SLC10A6: variants seen among roughly 807,000 people sequenced by gnomAD.
SLC10A6 encodes sodium-dependent organic anion transporter.
A neutral mutation model predicts 30.0 loss-of-function variants in SLC10A6; 27 were observed. The ratio of observed to expected loss-of-function variants is 0.90; its 90% CI spans 0.66 to 1.24. The LOEUF is 1.24. SLC10A6 is among the 50% of genes most tolerant of loss of function. SLC10A6 has a pLI of 0.00. For missense variants in SLC10A6, 439 were observed against 457.0 expected, an observed-to-expected ratio of 0.96 and a Z score of 0.36; for synonymous variants, 166 against 173.8, an observed-to-expected ratio of 0.95 and a Z score of 0.36.
At chr4:86,830,756 A>C (rs1746064367) in intron 3 of SLC10A6, among the ~76,000 whole-genome samples, 1 of 152,204 alleles carries the variant, frequency 6.6e-6, no homozygotes, top group African/African-American at 2.4e-5. Flanking sequence ...CCAGAAAACA[A>C]AATTAACTGA....
intron 3 of SLC10A6, among the ~76,000 whole-genome samples, chr4:86,831,107 G>A (rs1746073162): frequency 6.6e-6 from 1 of 152,062 alleles, no homozygotes; most frequent in Non-Finnish European, 1.5e-5. Flanking sequence ...CAAAGTTCTG[G>A]GATTACAGAT....
At chr4:86,837,283 G>A (rs867608572) in intron 1 of SLC10A6, among the ~76,000 whole-genome samples, 173 of 91,920 alleles carry the variant, frequency 1.9e-3, no homozygotes, top group Middle Eastern at 5.4e-3. Context: ...AAGAAAGAAA[G>A]AAAAAGAAAG....
rs1327556809 is a variant in SLC10A6, at chr4:86,843,012, C to G, written c.377+5727G>C. On this transcript the variant is annotated intron_variant, in intron 1 of 5. Coordinates refer to ENST00000273905, the MANE Select transcript of SLC10A6 (RefSeq NM_197965.3). ...TCAGTCTCCTGAGTAGCTGGCATTA[C>G]AGGCATGCATCACCACACCTGGCTA... Among the ~76,000 whole-genome samples the G allele has an allele frequency of 3.3e-5, 5 of 151,642 alleles. No individual in the cohort carries two copies. In the Admixed American group the frequency reaches 3.3e-4, roughly 10 times the overall value.
At position 86,827,867 on chromosome 4, in the gene SLC10A6, T is replaced by C. The variant is rs1746021772; in HGVS notation, c.761+126A>G. The C allele has an allele frequency of 2.6e-6, 2 of 757,882 alleles. 1 individual carries two copies. The highest frequency in any genetic ancestry group is 3.6e-5 in the African/African-American group (2 of 56,084). The allele number at this position is 757,882 out of a possible 1,614,324, so 46.9% of individuals were successfully genotyped here. A position where few individuals can be genotyped will look rare whatever the true frequency, so the allele number is the denominator to read the frequency against. On this transcript the variant is annotated intron_variant, in intron 4 of 5. Transcript: ENST00000273905. ...TGAATGACCCTCTTTTATGCTTAGT[T>C]ATCCTGTCGATTCCACTATGTAAGT... is the stretch of plus-strand genomic sequence containing the variant.
At chr4:86,847,136 C>A (rs1180835058) in intron 1 of SLC10A6, among the ~76,000 whole-genome samples, 1 of 152,116 alleles carries the variant, frequency 6.6e-6, no homozygotes, top group African/African-American at 2.4e-5. Context: ...GATGAGAATT[C>A]AAATCTGAGT....
At chr4:86,837,193 G>C (rs1264378093) in intron 1 of SLC10A6, among the ~76,000 whole-genome samples, 2 of 137,518 alleles carry the variant, frequency 1.5e-5, no homozygotes, top group Non-Finnish European at 3.0e-5. Flanking sequence ...AAGAGCCCAT[G>C]GTGCATGTAG....
chr4:86,826,795 C>T (rs1460176324), intron 4 of SLC10A6, among the ~76,000 whole-genome samples: 2 of 152,044 alleles, frequency 1.3e-5, no homozygotes, highest in African/African-American at 4.8e-5. Context: ...AGCAGTTTCA[C>T]GTCTCCAGTT....
intron 1 of SLC10A6, among the ~76,000 whole-genome samples, chr4:86,837,238 A>AGAAAGAAG (rs1439623545): frequency 9.4e-6 from 1 of 106,218 alleles, no homozygotes; most frequent in Non-Finnish European, 1.8e-5. Context: ...AAAGAAAGAA[A>AGAAAGAAG]GAAAGAAAGA....
chr4:86,849,272 A>AT lies in SLC10A6; in HGVS notation c.-158dup, dbSNP rs1746444987. Reference sequence around the variant, plus strand: ...AAGGTGATTCATCCTAATCTGATCAATTTTTTCACAAGTGGCATTATAAAA... The same window carrying AT: ...AAGGTGATTCATCCTAATCTGATCAATTTTTTTCACAAGTGGCATTATAAAA... On this transcript the variant is annotated 5_prime_UTR_variant, in exon 1 of 6. An upstream open reading frame in the 5' UTR gains an earlier in-frame stop. Coordinates refer to ENST00000273905, the MANE Select transcript of SLC10A6 (RefSeq NM_197965.3). 1.2e-6 allele frequency: 1 copy of AT among 809,150 alleles called. No individual in the cohort carries two copies. The highest frequency in any genetic ancestry group is 1.9e-5 in the South Asian group (1 of 52,968). 50.1% of individuals were successfully genotyped at this position (809,150 alleles called of 1,614,324 possible).
chr4:86,833,550 T>C, intron 1 of SLC10A6, 126 bp from the exon 2 acceptor site: 1 of 631,116 alleles, frequency 1.6e-6, no homozygotes, highest in Non-Finnish European at 2.8e-6. Context: ...TTGGAGCTCA[T>C]TTCTCTCCCG....
intron 1 of SLC10A6, 120 bp downstream of exon 1, chr4:86,848,619 G>T: frequency 1.5e-6 from 2 of 1,298,488 alleles, no homozygotes; most frequent in Non-Finnish European, 2.1e-6. Flanking sequence ...TGTGATATTT[G>T]TAACATTTCC....
At chr4:86,837,290 A>AAAAAGAAAGGAAGG (rs1746211313) in intron 1 of SLC10A6, among the ~76,000 whole-genome samples, 28 of 62,644 alleles carry the variant, frequency 4.5e-4, no homozygotes, top group South Asian at 1.1e-3. Flanking sequence ...AAAGAAAAAG[A>AAAAAGAAAGGAAGG]AAGGAAGGAA....
intron 1 of SLC10A6, among the ~76,000 whole-genome samples, chr4:86,841,900 C>T (rs928398129): frequency 3.3e-5 from 5 of 152,202 alleles, no homozygotes; most frequent in African/African-American, 1.2e-4. Flanking sequence ...GCGTAAGGCC[C>T]GATTTTCCAT....
chr4:86,842,836 T>G lies in SLC10A6; in HGVS notation c.377+5903A>C, dbSNP rs1746321057. On this transcript the variant is annotated intron_variant, in intron 1 of 5. Transcript: ENST00000273905. ...TTTCTTTCTTTCTTTCTTTCTTTCT[T>G]TCTTTCTTTCTTTCTTTCTTTCTTT... 1.3e-4 allele frequency among the ~76,000 whole-genome samples: 7 copies of G among 54,178 alleles called. 1 individual carries two copies. Among genetic ancestry groups the G allele is most frequent in the Non-Finnish European group, 2.2e-4 (7 of 31,864 alleles). 35.5% of individuals were successfully genotyped at this position (54,178 alleles called of 152,430 possible).
At position 86,823,714 on chromosome 4, in the gene SLC10A6, C is replaced by A. The variant is rs773404235; in HGVS notation, c.1108G>T (p.Val370Phe). The A allele has an allele frequency of 1.2e-6, 2 of 1,611,828 alleles. No individual in the cohort carries two copies. The highest frequency in any genetic ancestry group is 1.7e-6 in the Non-Finnish European group (2 of 1,179,140). Residue 370 changes from valine to phenylalanine, a missense_variant, in exon 6 of 6, where the codon GTT becomes TTT. Transcript: ENST00000273905. ...TATTCACATGAAGTGATGTGGCCAA[C>A]TGGCTCGAGAGCCCTGTGGCAATCC... is the stretch of plus-strand genomic sequence containing the variant. Reference protein sequence around the residue: ...PMDCHRALEPVGHITSCE With the variant: ...PMDCHRALEPFGHITSCE
intron 1 of SLC10A6, among the ~76,000 whole-genome samples, chr4:86,845,638 T>C (rs1018184868): frequency 6.6e-6 from 1 of 152,162 alleles, no homozygotes; most frequent in Admixed American, 6.5e-5. Context: ...AGCACTTTCA[T>C]TGTTGTGAAA....
chr4:86,832,936 A>G (rs1288334675), intron 2 of SLC10A6, among the ~76,000 whole-genome samples: 2 of 152,150 alleles, frequency 1.3e-5, no homozygotes, highest in Non-Finnish European at 2.9e-5. Context: ...AAAGAGTCCA[A>G]TTGCTTTATA....
chr4:86,835,333 A>C (rs1238202939), intron 1 of SLC10A6, among the ~76,000 whole-genome samples: 1 of 152,172 alleles, frequency 6.6e-6, no homozygotes, highest in African/African-American at 2.4e-5. Flanking sequence ...TGAATTAAGA[A>C]TTCTGTTCCA....
At position 86,833,465 on chromosome 4, in the gene SLC10A6, G is replaced by A. The variant is rs1276885882; in HGVS notation, c.378-41C>T. 2.7e-6 allele frequency: 4 copies of A among 1,465,148 alleles called. No individual in the cohort carries two copies. In the South Asian group the frequency reaches 4.6e-5, roughly 17 times the overall value. The allele number at this position is 1,465,148 out of a possible 1,614,324, so 90.8% of individuals were successfully genotyped here. ...ATACAATGCTTAGGAGGGAGCATTG[G>A]ACATGAAGAATTTAGTCTTTACCAA... On this transcript the variant is annotated intron_variant, in intron 1 of 5. Coordinates refer to ENST00000273905, the MANE Select transcript of SLC10A6 (RefSeq NM_197965.3).
Sources: gnomAD v4.1 joint callset for allele counts (sites outside exome capture counted in the v4.1 genomes callset) on GRCh38, gnomAD v4.1.1 for gene constraint, MANE v1.5 for transcripts, NCBI Gene and HGNC (gene_info 2026-07-23, HGNC 2026-07-21) for gene names.